RFTN1: variants seen among roughly 807,000 people sequenced by gnomAD.
RFTN1 encodes the protein raftlin.
RFTN1 carries 26 observed loss-of-function variants against 46.5 expected under a neutral mutation model. That is an observed-to-expected ratio of 0.56 (90% CI 0.41 to 0.78). The LOEUF (loss-of-function observed/expected upper bound fraction) is 0.78, where lower values mean the gene tolerates loss of function less well. Among genes scored for constraint, RFTN1 ranks in the 30% least tolerant of loss-of-function variants. The pLI is 0.00. For missense variants in RFTN1, 693 were observed against 718.7 expected, an observed-to-expected ratio of 0.96 and a Z score of 0.41; for synonymous variants, 261 against 284.2, an observed-to-expected ratio of 0.92 and a Z score of 0.82.
At position 16,345,817 on chromosome 3, in the gene RFTN1, T is replaced by TGTGTGTGTGTGTGCGCGC. The variant is rs1160939614; in HGVS notation, c.1146+12114_1146+12115insGCGCGCACACACACACAC. On this transcript the variant is annotated intron_variant, in intron 7 of 9. Coordinates refer to ENST00000334133, the MANE Select transcript of RFTN1 (RefSeq NM_015150.2). The surrounding 1 kb of genome is among the most constrained non-coding windows in gnomAD (Gnocchi z 5.2). The stretch of plus-strand genomic sequence containing the variant: ...GTGTGTGTGTGTGTGTGTGTGTGTG[T>TGTGTGTGTGTGTGCGCGC]GCGCGCGCGCGTGCGCGCACGCGCA... 1.3e-5 allele frequency among the ~76,000 whole-genome samples: 1 copy of TGTGTGTGTGTGTGCGCGC among 74,540 alleles called. No individual in the cohort carries two copies. The highest frequency in any genetic ancestry group is 5.5e-5 in the African/African-American group (1 of 18,090). 48.9% of individuals were successfully genotyped at this position (74,540 alleles called of 152,430 possible). A position where few individuals can be genotyped will look rare whatever the true frequency, so the allele number is the denominator to read the frequency against.
intron 9 of RFTN1, among the ~76,000 whole-genome samples, chr3:16,318,529 T>C (rs1375206161): frequency 1.3e-5 from 2 of 152,194 alleles, no homozygotes; most frequent in African/African-American, 4.8e-5. Context: ...AAATCTGCCA[T>C]TTTTGTAGTT....
chr3:16,334,874 T>G lies in RFTN1; in HGVS notation c.1147-7998A>C, dbSNP rs762322694. On this transcript the variant is annotated intron_variant, in intron 7 of 9. Coordinates refer to ENST00000334133, the MANE Select transcript of RFTN1 (RefSeq NM_015150.2). The surrounding 1 kb of genome is among the most constrained non-coding windows in gnomAD (Gnocchi z 4.3). Reference sequence around the variant, plus strand: ...GTGCCCAGTATAATCACAGGGGTCCTTATAAGGACAGGCAGGAAGGCCAGA... The same window carrying G: ...GTGCCCAGTATAATCACAGGGGTCCGTATAAGGACAGGCAGGAAGGCCAGA... Among the ~76,000 whole-genome samples, 18 of 152,152 alleles carry G rather than the reference T, an allele frequency of 1.2e-4. No individual in the cohort carries two copies. The highest frequency in any genetic ancestry group is 2.5e-4 in the Non-Finnish European group (17 of 68,028).
At position 16,336,507 on chromosome 3, in the gene RFTN1, G is replaced by T. The variant is rs559188796; in HGVS notation, c.1147-9631C>A. Among the ~76,000 whole-genome samples the T allele has an allele frequency of 7.9e-5, 12 of 152,196 alleles. No homozygotes were observed. Among genetic ancestry groups the T allele is most frequent in the Non-Finnish European group, 1.5e-4 (10 of 68,034 alleles). ...CTCTGCGGGAGGGAGGGACAGGCAC[G>T]CTGGCCGGCTAGAGATGTTGTTTTC... On this transcript the variant is annotated intron_variant, in intron 7 of 9. Transcript: ENST00000334133. The surrounding 1 kb of genome is among the most constrained non-coding windows in gnomAD (Gnocchi z 6.0).
In RFTN1 at chr3:16,428,690, C is replaced by A. The variant is rs17042262; in HGVS notation, c.332+5161G>T. Among the ~76,000 whole-genome samples, 45 of 152,038 alleles carry A rather than the reference C, an allele frequency of 3.0e-4. 1 individual carries two copies. Among genetic ancestry groups the A allele is most frequent in the Non-Finnish European group, 5.6e-4 (38 of 68,024 alleles). On this transcript the variant is annotated intron_variant, in intron 3 of 9. Transcript: ENST00000334133. This position sits in a 1 kb window ranked among gnomAD's most constrained non-coding sequence, Gnocchi z 4.7. ...TTCATGATGAAAAACACACCAATGA[C>A]GCCCCTAGCTCCATGTGTGTACAAC...
rs2075811090 is a variant in RFTN1, at chr3:16,450,807, A to T, written c.146-16770T>A. 6.6e-6 allele frequency among the ~76,000 whole-genome samples: 1 copy of T among 152,010 alleles called. No individual in the cohort carries two copies. Among genetic ancestry groups the T allele is most frequent in the Non-Finnish European group, 1.5e-5 (1 of 67,996 alleles). ...TTTTTTTTTTCCATCATAAGAAAAC[A>T]AAGCCAAAGAGATGGCTGGGAGATG... On this transcript the variant is annotated intron_variant, in intron 2 of 9. Coordinates refer to ENST00000334133, the MANE Select transcript of RFTN1 (RefSeq NM_015150.2). This position sits in a 1 kb window ranked among gnomAD's most constrained non-coding sequence, Gnocchi z 4.6.
chr3:16,324,637 A>C (rs1416008237), intron 8 of RFTN1, among the ~76,000 whole-genome samples: 1 of 102,778 alleles, frequency 9.7e-6, no homozygotes, highest in Non-Finnish European at 2.0e-5. Flanking sequence ...AAGGTTGCAT[A>C]GTATTCCATT....
At position 16,328,412 on chromosome 3, in the gene RFTN1, C is replaced by G. The variant is rs2069952659; in HGVS notation, c.1147-1536G>C. Among the ~76,000 whole-genome samples the G allele has an allele frequency of 2.0e-5, 3 of 152,176 alleles. No homozygotes were observed. In the South Asian group the frequency reaches 6.2e-4, roughly 32 times the overall value. On this transcript the variant is annotated intron_variant, in intron 7 of 9. Coordinates refer to ENST00000334133, the MANE Select transcript of RFTN1 (RefSeq NM_015150.2). Reference sequence around the variant, plus strand: ...GAACAAAACCAGCTCATCTGGATGCCCTGGGCGAGTGGGATGGAAGGCAGA... The same window carrying G: ...GAACAAAACCAGCTCATCTGGATGCGCTGGGCGAGTGGGATGGAAGGCAGA...
At chr3:16,318,240 C>T (rs547081819) in intron 9 of RFTN1, among the ~76,000 whole-genome samples, 5 of 149,334 alleles carry the variant, frequency 3.3e-5, no homozygotes, top group Admixed American at 6.6e-5. Flanking sequence ...CCAGAGTGCA[C>T]GTGGGGTTTT....
In RFTN1 at chr3:16,322,786, C is replaced by G. The variant is rs1400805540; in HGVS notation, c.1332+590G>C. Among the ~76,000 whole-genome samples the G allele has an allele frequency of 6.6e-6, 1 of 152,036 alleles. No homozygotes were observed. The highest frequency in any genetic ancestry group is 6.5e-5 in the Admixed American group (1 of 15,276). On this transcript the variant is annotated intron_variant, in intron 9 of 9. Coordinates refer to ENST00000334133, the MANE Select transcript of RFTN1 (RefSeq NM_015150.2). The surrounding 1 kb of genome is among the most constrained non-coding windows in gnomAD (Gnocchi z 6.2). ...ACTGTTTCTAGGGTAGTTCAGAGTC[C>G]GGAGAGGGGGAAAAGGGCCCTGGGG...
At chr3:16,453,707 T>G (rs934060230) in intron 2 of RFTN1, among the ~76,000 whole-genome samples, 4 of 152,180 alleles carry the variant, frequency 2.6e-5, no homozygotes, top group African/African-American at 9.7e-5. Context: ...GAGTCTACAA[T>G]GGAAGAACCA....
At chr3:16,439,022 G>A (rs965551827) in intron 2 of RFTN1, among the ~76,000 whole-genome samples, 1 of 152,148 alleles carries the variant, frequency 6.6e-6, no homozygotes, top group African/African-American at 2.4e-5. Context: ...ATCTAAAGAT[G>A]TATCTCCTGT....
At chr3:16,467,001 C>T (rs1478935302) in intron 2 of RFTN1, among the ~76,000 whole-genome samples, 1 of 152,104 alleles carries the variant, frequency 6.6e-6, no homozygotes, top group Admixed American at 6.5e-5. Context: ...GACTGGCAGG[C>T]CTAAGGTCAA....
chr3:16,454,190 G>A (rs1426733979), intron 2 of RFTN1, among the ~76,000 whole-genome samples: 2 of 152,186 alleles, frequency 1.3e-5, no homozygotes, highest in African/African-American at 4.8e-5. Context: ...TCACAATGAT[G>A]ATTTTCTAAA....
At chr3:16,396,017 A>G (rs777823174) in intron 4 of RFTN1, among the ~76,000 whole-genome samples, 2 of 152,250 alleles carry the variant, frequency 1.3e-5, no homozygotes, top group Non-Finnish European at 2.9e-5. Flanking sequence ...ACTAAAGTTA[A>G]TTTCACTCTT....
In RFTN1 at chr3:16,447,506, T is replaced by A. The variant is rs2075753283; in HGVS notation, c.146-13469A>T. Among the ~76,000 whole-genome samples, 2 of 152,242 alleles carry A rather than the reference T, an allele frequency of 1.3e-5. No individual in the cohort carries two copies. The highest frequency in any genetic ancestry group is 1.3e-4 in the Admixed American group (2 of 15,290). On this transcript the variant is annotated intron_variant, in intron 2 of 9. Transcript: ENST00000334133. The surrounding 1 kb of genome is among the most constrained non-coding windows in gnomAD (Gnocchi z 5.9). The stretch of plus-strand genomic sequence containing the variant: ...CCTATGTAAGAGATGGCATTTAGGA[T>A]GCCTTGGGATTCTGCTTTTCAGAGG...
Position 16,336,675 on chromosome 3 carries a change from T to A in RFTN1, c.1147-9799A>T, listed in dbSNP as rs11923948. On this transcript the variant is annotated intron_variant, in intron 7 of 9. Transcript: ENST00000334133. The surrounding 1 kb of genome is among the most constrained non-coding windows in gnomAD (Gnocchi z 6.0). Reference sequence around the variant, plus strand: ...TTCAAAGAGAATAATTTTTTTTTTTTAAAAAAGCTTAGTTCTTAGATGCAG... The same window carrying A: ...TTCAAAGAGAATAATTTTTTTTTTTAAAAAAAGCTTAGTTCTTAGATGCAG... Among the ~76,000 whole-genome samples, 37,776 of 151,702 alleles carry A rather than the reference T, an allele frequency of 0.25. 4,937 individuals are homozygous for A. The highest frequency in any genetic ancestry group is 0.41 in the Middle Eastern group (120 of 294).
rs1302510117 is a variant in RFTN1, at chr3:16,440,483, A to G, written c.146-6446T>C. Among the ~76,000 whole-genome samples the G allele has an allele frequency of 6.6e-6, 1 of 152,210 alleles. No individual in the cohort carries two copies. Among genetic ancestry groups the G allele is most frequent in the Non-Finnish European group, 1.5e-5 (1 of 68,038 alleles). On this transcript the variant is annotated intron_variant, in intron 2 of 9. Transcript: ENST00000334133. This position sits in a 1 kb window ranked among gnomAD's most constrained non-coding sequence, Gnocchi z 4.6. ...TTTGTCCTGCTGCAGTGCAAAGGAC[A>G]ATTCTCTCCTGGCTTCTCCCCTACC...
At chr3:16,435,413 A>T (rs1359506240) in intron 2 of RFTN1, among the ~76,000 whole-genome samples, 1 of 149,718 alleles carries the variant, frequency 6.7e-6, no homozygotes, top group African/African-American at 2.4e-5. Context: ...TGCTAAAAAT[A>T]TAAAAAATTA....
intron 2 of RFTN1, among the ~76,000 whole-genome samples, chr3:16,436,358 ATTT>A (rs61519479): frequency 1.4e-4 from 18 of 125,204 alleles, no homozygotes; most frequent in African/African-American, 2.4e-4. Context: ...GAAAAAAAAA[ATTT>A]TTTTTTTTTT....
Sources: gnomAD v4.1 joint callset for allele counts (sites outside exome capture counted in the v4.1 genomes callset) on GRCh38, gnomAD v4.1.1 for gene constraint, Gnocchi (gnomAD v3.1) non-coding constraint, MANE v1.5 for transcripts, NCBI Gene and HGNC (gene_info 2026-07-23, HGNC 2026-07-21) for gene names.